The following WWOX variants were observed in gnomAD, a reference collection of about 807,000 sequenced individuals.
The protein encoded by WWOX is WW domain containing oxidoreductase, also known as WW domain-containing oxidoreductase.
WWOX carries 69 observed loss-of-function variants against 46.2 expected under a neutral mutation model. The ratio of observed to expected loss-of-function variants is 1.49; its 90% CI spans 1.23 to 1.82. The LOEUF is 1.82. WWOX is among the 40% of genes most tolerant of loss of function. The pLI, the probability that WWOX is intolerant of heterozygous loss-of-function variation, is 0.00. For synonymous variants in WWOX, 359 were observed against 202.6 expected, an observed-to-expected ratio of 1.77 and a Z score of -6.56; for missense variants, 919 against 542.6, an observed-to-expected ratio of 1.69 and a Z score of -6.89.
intron 8 of WWOX, among the ~76,000 whole-genome samples, chr16:78,878,065 C>T (rs2044269240): frequency 6.6e-6 from 1 of 152,132 alleles, no homozygotes; most frequent in Non-Finnish European, 1.5e-5. Context: ...CAAAGCATTC[C>T]CTGTAGTTTT....
chr16:78,773,277 T>C (rs1171533650), intron 8 of WWOX, among the ~76,000 whole-genome samples: 1 of 152,184 alleles, frequency 6.6e-6, no homozygotes, highest in Non-Finnish European at 1.5e-5. Context: ...ATGTTCCTTC[T>C]ACTACAACTT....
chr16:78,706,115 C>G (rs2048324103), intron 8 of WWOX, among the ~76,000 whole-genome samples: 1 of 125,222 alleles, frequency 8.0e-6, no homozygotes, highest in African/African-American at 3.0e-5. Context: ...CAAGTGTGAT[C>G]ACAGCATGTT....
chr16:78,652,863 CG>C (rs2046997470), intron 8 of WWOX, among the ~76,000 whole-genome samples: 1 of 152,084 alleles, frequency 6.6e-6, no homozygotes, highest in South Asian at 2.1e-4. Context: ...AGGCATAAAA[CG>C]TGATTTGACT....
chr16:78,907,750 T>G (rs2045003461), intron 8 of WWOX, among the ~76,000 whole-genome samples: 1 of 152,036 alleles, frequency 6.6e-6, no homozygotes, highest in African/African-American at 2.4e-5. Flanking sequence ...GCCAGGAGGG[T>G]TTCTCTGAGG....
At chr16:78,899,831 G>T (rs1032166280) in intron 8 of WWOX, among the ~76,000 whole-genome samples, 4 of 152,198 alleles carry the variant, frequency 2.6e-5, no homozygotes, top group Non-Finnish European at 5.9e-5. Context: ...CGCGTGGTCT[G>T]TTTTGTTCCA....
intron 8 of WWOX, among the ~76,000 whole-genome samples, chr16:78,849,715 T>C (rs1418356410): frequency 6.6e-6 from 1 of 152,156 alleles, no homozygotes; most frequent in African/African-American, 2.4e-5. Flanking sequence ...CTAATCTTGA[T>C]GCAGTGAGCA....
At chr16:78,177,157 T>G (rs561171517) in intron 5 of WWOX, among the ~76,000 whole-genome samples, 1 of 152,354 alleles carries the variant, frequency 6.6e-6, no homozygotes, top group African/African-American at 2.4e-5. Flanking sequence ...TTTTCTTTTA[T>G]AAAAGGGCGG....
chr16:78,785,857 T>C (rs1380039239), intron 8 of WWOX, among the ~76,000 whole-genome samples: 1 of 151,872 alleles, frequency 6.6e-6, no homozygotes, highest in Non-Finnish European at 1.5e-5. Flanking sequence ...ACTCATAATG[T>C]AGCATCTGTA....
intron 5 of WWOX, among the ~76,000 whole-genome samples, chr16:78,372,923 C>A (rs2081728002): frequency 6.6e-6 from 1 of 152,146 alleles, no homozygotes; most frequent in African/African-American, 2.4e-5. Context: ...TGAAAAGTAG[C>A]ATCATTAATC....
chr16:78,454,799 GT>G (rs1184531506), intron 8 of WWOX, among the ~76,000 whole-genome samples: 1 of 152,206 alleles, frequency 6.6e-6, no homozygotes, highest in Non-Finnish European at 1.5e-5. Context: ...GCCCACCTGT[GT>G]TTTTTGTTTT....
intron 8 of WWOX, among the ~76,000 whole-genome samples, chr16:78,452,131 C>G (rs1269199302): frequency 6.6e-6 from 1 of 152,106 alleles, no homozygotes; most frequent in East Asian, 1.9e-4. Context: ...TGTTGAAGTA[C>G]AGGCATATCC....
intron 5 of WWOX, among the ~76,000 whole-genome samples, chr16:78,177,736 A>T (rs571240047): frequency 3.6e-4 from 55 of 152,326 alleles, no homozygotes; most frequent in Non-Finnish European, 6.5e-4. Flanking sequence ...GTGGTGATAC[A>T]GTCCATACTC....
chr16:78,720,407 A>T (rs1567514156), intron 8 of WWOX, among the ~76,000 whole-genome samples: 2 of 150,354 alleles, frequency 1.3e-5, no homozygotes, highest in Admixed American at 1.3e-4. Flanking sequence ...GTTAACACGA[A>T]AACTAAAAAC....
intron 8 of WWOX, among the ~76,000 whole-genome samples, chr16:79,198,836 G>C (rs950362828): frequency 2.0e-5 from 3 of 152,186 alleles, no homozygotes; most frequent in African/African-American, 7.2e-5. Flanking sequence ...ATGTTTGCTA[G>C]TCTTTGTTGT....
chr16:78,442,937 A>G (rs1017799776), intron 8 of WWOX, among the ~76,000 whole-genome samples: 3 of 151,984 alleles, frequency 2.0e-5, no homozygotes, highest in Non-Finnish European at 4.4e-5. Context: ...CCTAGCTAAC[A>G]TGGTGAAACC....
intron 8 of WWOX, among the ~76,000 whole-genome samples, chr16:78,944,723 C>G (rs1054334012): frequency 6.6e-6 from 1 of 152,086 alleles, no homozygotes; most frequent in African/African-American, 2.4e-5. Flanking sequence ...TTGAGACCTC[C>G]TAGGACTGCA....
At chr16:78,522,066 C>T (rs2043359627) in intron 8 of WWOX, among the ~76,000 whole-genome samples, 3 of 150,900 alleles carry the variant, frequency 2.0e-5, no homozygotes, top group South Asian at 2.1e-4. Flanking sequence ...TGCAAACCCA[C>T]GTCTGTCTAC....
chr16:79,180,071 A>G (rs1047752518), intron 8 of WWOX, among the ~76,000 whole-genome samples: 22 of 151,816 alleles, frequency 1.4e-4, no homozygotes, highest in African/African-American at 3.9e-4. Flanking sequence ...GAGAGATTCT[A>G]TTGTGCACTT....
At chr16:79,083,386 C>G (rs7202165) in intron 8 of WWOX, among the ~76,000 whole-genome samples, 14 of 152,228 alleles carry the variant, frequency 9.2e-5, no homozygotes, top group African/African-American at 3.4e-4. Context: ...CCTCCTGGGT[C>G]CCTGAGTGAC....
Sources: gnomAD v4.1 joint callset for allele counts (sites outside exome capture counted in the v4.1 genomes callset) on GRCh38, gnomAD v4.1.1 for gene constraint, MANE v1.5 for transcripts, NCBI Gene and HGNC (gene_info 2026-07-23, HGNC 2026-07-21) for gene names.